The following COL5A2 variants were observed in gnomAD, a reference collection of about 807,000 sequenced individuals.
COL5A2 encodes the protein collagen type V alpha 2 chain.
In COL5A2, 23 loss-of-function variants were observed where a neutral mutation model predicts 208.2. The ratio of observed to expected loss-of-function variants is 0.11; its 90% CI spans 0.08 to 0.16. The LOEUF is 0.16. Ranked by LOEUF, COL5A2 falls within the 10% of genes least tolerant of loss-of-function variation. The probability of loss-of-function intolerance (pLI) is 1.00; values close to 1 mark genes in which losing one functional copy is unlikely to be tolerated. For missense variants in COL5A2, 1,590 were observed against 1,956.4 expected (o/e 0.81, Z 3.53); for synonymous variants, 625 against 628.5 (o/e 0.99, Z 0.08).
rs1490110275 is a variant in COL5A2 at position 189,110,526 on chromosome 2, G to A, written c.98-77C>T. ...GAAAATAAAAGGTGAGCCATCTTGT[G>A]GATTCTAAAAAATTCTGGACTAAGA... On this transcript the variant is annotated intron_variant, in intron 1 of 53. Transcript: ENST00000374866. The A allele has an allele frequency of 4.3e-6, 6 of 1,403,900 alleles. No individual in the cohort carries two copies. The Admixed American group carries it at 7.5e-5, about 17-fold the overall frequency. The allele number at this position is 1,403,900 out of a possible 1,614,324, so 87.0% of individuals were successfully genotyped here.
At chr2:189,101,629 T>TA (rs1336080560) in intron 3 of COL5A2, among the ~76,000 whole-genome samples, 1 of 152,114 alleles carries the variant, frequency 6.6e-6, no homozygotes, top group African/African-American at 2.4e-5. Flanking sequence ...CTACTAAAGA[T>TA]ACAATCTACT....
chr2:189,177,247 T>C (rs1359332198), intron 1 of COL5A2, among the ~76,000 whole-genome samples: 2 of 152,236 alleles, frequency 1.3e-5, no homozygotes, highest in East Asian at 3.8e-4. Flanking sequence ...GCTTTTCATG[T>C]GTGCCTCAGA....
At chr2:189,233,224 T>C in the COL5A2 span, among the ~76,000 whole-genome samples, 2 of 151,748 alleles carry the variant, frequency 1.3e-5, no homozygotes, top group Admixed American at 1.3e-4. Context: ...TTTCTCTCAC[T>C]GCTTTCATTT....
intron 1 of COL5A2, among the ~76,000 whole-genome samples, chr2:189,115,048 A>G (rs1382337637): frequency 6.6e-6 from 1 of 152,128 alleles, no homozygotes; most frequent in Non-Finnish European, 1.5e-5. Flanking sequence ...TTATCTCCCA[A>G]CCTACAAGAT....
the COL5A2 span, among the ~76,000 whole-genome samples, chr2:189,366,351 G>A: frequency 0.22 from 33,546 of 152,054 alleles, 3,828 homozygotes; most frequent in South Asian, 0.26. Context: ...GAGCTATTTT[G>A]CCCCTCAGGG....
chr2:189,242,967 A>G, the COL5A2 span, among the ~76,000 whole-genome samples: 28 of 152,190 alleles, frequency 1.8e-4, no homozygotes, highest in African/African-American at 6.5e-4. Context: ...AGATGATCAA[A>G]AAAATTTCCT....
chr2:189,323,469 A>G, the COL5A2 span, among the ~76,000 whole-genome samples: 1 of 152,212 alleles, frequency 6.6e-6, no homozygotes, highest in South Asian at 2.1e-4. Flanking sequence ...CAACTTCAGC[A>G]AAGTCTCAGG....
At chr2:189,417,635 T>G in the COL5A2 span, among the ~76,000 whole-genome samples, 1 of 151,946 alleles carries the variant, frequency 6.6e-6, no homozygotes, top group African/African-American at 2.4e-5. Context: ...AAATGTTCTA[T>G]TCACTATTTC....
chr2:189,251,245 GGA>G, the COL5A2 span, among the ~76,000 whole-genome samples: 5 of 152,132 alleles, frequency 3.3e-5, no homozygotes, highest in African/African-American at 7.2e-5. Flanking sequence ...CTGATGAAAA[GGA>G]GAGAGTGCCA....
chr2:189,376,864 T>C, the COL5A2 span, among the ~76,000 whole-genome samples: 1 of 152,174 alleles, frequency 6.6e-6, no homozygotes, highest in Non-Finnish European at 1.5e-5. Context: ...TTGCAAATTA[T>C]GTAAAGTTCC....
the COL5A2 span, among the ~76,000 whole-genome samples, chr2:189,363,205 C>T: frequency 6.6e-6 from 1 of 152,004 alleles, no homozygotes; most frequent in African/African-American, 2.4e-5. Context: ...CTCTCAAATA[C>T]AATTAGTAAT....
At chr2:189,396,863 G>T in the COL5A2 span, among the ~76,000 whole-genome samples, 1 of 151,180 alleles carries the variant, frequency 6.6e-6, no homozygotes, top group Non-Finnish European at 1.5e-5. Context: ...ATGGTGGCGG[G>T]CACCTGTAGT....
At chr2:189,334,527 T>A in the COL5A2 span, among the ~76,000 whole-genome samples, 1 of 151,942 alleles carries the variant, frequency 6.6e-6, no homozygotes, top group African/African-American at 2.4e-5. Flanking sequence ...AGACTAAATC[T>A]AACCAAATTT....
intron 18 of COL5A2, among the ~76,000 whole-genome samples, chr2:189,070,703 C>A (rs923841419): frequency 4.6e-5 from 7 of 152,098 alleles, no homozygotes; most frequent in African/African-American, 1.7e-4. Flanking sequence ...ATTTCCTTAA[C>A]CAGAACTCAA....
At chr2:189,069,133 C>A (rs925534073) in intron 18 of COL5A2, among the ~76,000 whole-genome samples, 2 of 152,010 alleles carry the variant, frequency 1.3e-5, no homozygotes, top group Admixed American at 6.6e-5. Flanking sequence ...TTGAAGAAGC[C>A]CTACACCAGG....
At chr2:189,106,789 A>G (rs2105704415) in intron 2 of COL5A2, among the ~76,000 whole-genome samples, 1 of 151,484 alleles carries the variant, frequency 6.6e-6, no homozygotes, top group South Asian at 2.1e-4. Context: ...CTTTATCAAA[A>G]GTATTTACTG....
intron 1 of COL5A2, among the ~76,000 whole-genome samples, chr2:189,174,760 C>T (rs751068688): frequency 2.6e-5 from 4 of 152,080 alleles, no homozygotes; most frequent in African/African-American, 7.2e-5. Flanking sequence ...AATGACCCTA[C>T]GAGTCATGGT....
At chr2:189,132,638 A>G (rs1158676693) in intron 1 of COL5A2, among the ~76,000 whole-genome samples, 1 of 152,182 alleles carries the variant, frequency 6.6e-6, no homozygotes, top group African/African-American at 2.4e-5. Flanking sequence ...TTAATAAAAC[A>G]GGCTGGGTTC....
chr2:189,118,715 T>C (rs1406971178), intron 1 of COL5A2, among the ~76,000 whole-genome samples: 1 of 152,156 alleles, frequency 6.6e-6, no homozygotes, highest in Non-Finnish European at 1.5e-5. Flanking sequence ...GAAAGGAGAC[T>C]AGTGCTGTCA....
Sources: allele counts gnomAD v4.1 joint callset (sites outside exome capture counted in the v4.1 genomes callset), GRCh38; gene constraint gnomAD v4.1.1; transcripts MANE v1.5; gene names NCBI Gene and HGNC (gene_info 2026-07-23, HGNC 2026-07-21).